The following LRP1B variants were observed in gnomAD, a reference collection of about 807,000 sequenced individuals.
The protein encoded by LRP1B is low-density lipoprotein receptor-related protein 1B.
In LRP1B, 217 loss-of-function variants were observed where a neutral mutation model predicts 556.6. The ratio of observed to expected loss-of-function variants is 0.39; its 90% CI spans 0.35 to 0.44. The LOEUF (loss-of-function observed/expected upper bound fraction) is 0.44, where lower values mean the gene tolerates loss of function less well. LRP1B is among the 20% of genes least tolerant of loss of function. LRP1B has a pLI of 1.00. For missense variants in LRP1B, 5,053 were observed against 5,620.8 expected (o/e 0.90, Z 3.23); for synonymous variants, 2,047 against 1,865.8 (o/e 1.10, Z -2.50).
intron 3 of LRP1B, among the ~76,000 whole-genome samples, chr2:141,429,258 A>G (rs1246993476): frequency 6.6e-6 from 1 of 152,100 alleles, no homozygotes; most frequent in African/African-American, 2.4e-5. Context: ...ATACTTCACT[A>G]TTTTTCACTT....
chr2:141,716,454 CTT>C (rs901146484), intron 2 of LRP1B, among the ~76,000 whole-genome samples: 3 of 151,946 alleles, frequency 2.0e-5, no homozygotes, highest in Non-Finnish European at 4.4e-5. Flanking sequence ...AGGAATGACT[CTT>C]TTTTTAGTGC....
In LRP1B at chr2:141,315,405, G is replaced by T. The variant is rs1367955488; in HGVS notation, c.344-60764C>A. On this transcript the variant is annotated intron_variant, in intron 3 of 90. Coordinates refer to ENST00000389484, the MANE Select transcript of LRP1B (RefSeq NM_018557.3). ...CTCCCAAGTAGCTGGGACTACAAAC[G>T]CCTGCCACCATGCCTGGCTAATTTT... is the stretch of plus-strand genomic sequence containing the variant. Among the ~76,000 whole-genome samples the T allele has an allele frequency of 3.3e-5, 5 of 150,920 alleles. No individual in the cohort carries two copies. The East Asian group carries it at 7.8e-4, about 24-fold the overall frequency.
chr2:140,529,432 A>AG (rs201815905), intron 47 of LRP1B, among the ~76,000 whole-genome samples: 997 of 99,318 alleles, frequency 0.01, 10 homozygotes, highest in South Asian at 0.076. Context: ...GAAGCTGAAA[A>AG]GGGGGGGGGG....
intron 66 of LRP1B, among the ~76,000 whole-genome samples, chr2:140,411,102 AG>A (rs1684952898): frequency 6.6e-6 from 1 of 152,154 alleles, no homozygotes; most frequent in African/African-American, 2.4e-5. Flanking sequence ...ATTCAGCATT[AG>A]GGAGCCAAGT....
At position 141,200,519 on chromosome 2, in the gene LRP1B, GCT is replaced by G. The variant is rs1221054665; in HGVS notation, c.851-11938_851-11937del. On this transcript the variant is annotated intron_variant, in intron 6 of 90. Coordinates refer to ENST00000389484, the MANE Select transcript of LRP1B (RefSeq NM_018557.3). ...AATATCTGATATAGTCATGGCTTAT[GCT>G]CTCTCTTCATTCAAGTATCTGCTCA... Among the ~76,000 whole-genome samples the G allele has an allele frequency of 2.6e-5, 4 of 152,108 alleles. No individual in the cohort carries two copies. In the East Asian group the frequency reaches 7.7e-4, roughly 29 times the overall value.
chr2:141,994,577 A>G (rs963368552), intron 1 of LRP1B, among the ~76,000 whole-genome samples: 1 of 152,122 alleles, frequency 6.6e-6, no homozygotes, highest in African/African-American at 2.4e-5. Context: ...ATCTATCTCT[A>G]TCTCTCTATT....
chr2:141,130,866 C>A (rs1701332097), intron 7 of LRP1B, among the ~76,000 whole-genome samples: 1 of 152,130 alleles, frequency 6.6e-6, no homozygotes. Flanking sequence ...GAGTTCATGT[C>A]TTTTGCAGGG....
chr2:140,901,676 TAAG>T (rs1306620344), intron 23 of LRP1B, among the ~76,000 whole-genome samples: 1 of 152,164 alleles, frequency 6.6e-6, no homozygotes, highest in African/African-American at 2.4e-5. Flanking sequence ...GCAAAAACAA[TAAG>T]AATAAAGTGT....
At chr2:141,421,247 G>A (rs1680127273) in intron 3 of LRP1B, among the ~76,000 whole-genome samples, 1 of 151,934 alleles carries the variant, frequency 6.6e-6, no homozygotes, top group Non-Finnish European at 1.5e-5. Flanking sequence ...TACCTCTTTC[G>A]GCCGGGCGCG....
chr2:141,286,803 C>T, intron 3 of LRP1B: 1 of 389,646 alleles, frequency 2.6e-6, no homozygotes, highest in Non-Finnish European at 5.5e-6. Flanking sequence ...TTGTTTACAA[C>T]ACTCTCCTAT....
rs147701223 is a variant in LRP1B at position 141,029,140 on chromosome 2, G to T, written c.1790-9038C>A. ...TGGGACCATGTCTAGGGTGTTCAGGGGATGAAAAGAGGATATTGGAGAAGA... is the reference window on the plus strand; with the variant it reads ...TGGGACCATGTCTAGGGTGTTCAGGTGATGAAAAGAGGATATTGGAGAAGA... On this transcript the variant is annotated intron_variant, in intron 11 of 90. Transcript: ENST00000389484. 2.0e-3 allele frequency among the ~76,000 whole-genome samples: 298 copies of T among 152,144 alleles called. 2 individuals are homozygous for T. Among genetic ancestry groups the T allele is most frequent in the African/African-American group, 6.9e-3 (287 of 41,516 alleles).
chr2:140,367,085 A>G (rs1176612337), intron 71 of LRP1B, among the ~76,000 whole-genome samples: 3 of 151,718 alleles, frequency 2.0e-5, no homozygotes, highest in Non-Finnish European at 4.4e-5. Flanking sequence ...GAGGACAGCT[A>G]CAGGCAGATT....
At chr2:141,133,903 C>A (rs1039617124) in intron 7 of LRP1B, among the ~76,000 whole-genome samples, 2 of 151,962 alleles carry the variant, frequency 1.3e-5, no homozygotes, top group African/African-American at 4.8e-5. Flanking sequence ...CCCTACTGAT[C>A]AACTCCACCT....
rs11433781 is a variant in LRP1B at position 141,179,892 on chromosome 2, C to CTT, written c.1013+8527_1013+8528dup. Among the ~76,000 whole-genome samples the CTT allele has an allele frequency of 5.8e-3, 725 of 125,972 alleles. 6 individuals are homozygous for CTT. Among genetic ancestry groups the CTT allele is most frequent in the Middle Eastern group, 0.014 (3 of 212 alleles). The allele number at this position is 125,972 out of a possible 152,430, so 82.6% of individuals were successfully genotyped here. A position where few individuals can be genotyped will look rare whatever the true frequency, so the allele number is the denominator to read the frequency against. On this transcript the variant is annotated intron_variant, in intron 7 of 90. Transcript: ENST00000389484. ...CACAAAAGCTGAATGTTGGTTTTTC[C>CTT]TTTTTTTTTTTTTTTTTTGGTTGAA...
At chr2:141,074,561 GTCTC>G (rs1558842324) in intron 7 of LRP1B, among the ~76,000 whole-genome samples, 1 of 67,850 alleles carries the variant, frequency 1.5e-5, no homozygotes, top group Non-Finnish European at 3.3e-5. Flanking sequence ...TTCTCTTTCT[GTCTC>G]TCTGTCTCTC....
intron 84 of LRP1B, among the ~76,000 whole-genome samples, chr2:140,295,847 T>A (rs565625645): frequency 6.6e-6 from 1 of 152,236 alleles, no homozygotes; most frequent in East Asian, 1.9e-4. Flanking sequence ...ACTGACCTTT[T>A]GAGAATAGAT....
intron 2 of LRP1B, among the ~76,000 whole-genome samples, chr2:141,758,778 TC>T (rs1318421114): frequency 6.6e-6 from 1 of 152,184 alleles, no homozygotes; most frequent in Non-Finnish European, 1.5e-5. Context: ...AGTTATACTT[TC>T]CTTTTATTTC....
intron 7 of LRP1B, among the ~76,000 whole-genome samples, chr2:141,141,882 A>G (rs1701661847): frequency 6.6e-6 from 1 of 152,200 alleles, no homozygotes; most frequent in Admixed American, 6.5e-5. Flanking sequence ...ATCTTTCAGT[A>G]ATGCAATAAT....
chr2:141,764,243 C>G (rs887649029), intron 2 of LRP1B, among the ~76,000 whole-genome samples: 1 of 151,902 alleles, frequency 6.6e-6, no homozygotes, highest in Admixed American at 6.6e-5. Context: ...TGCAGTGGGG[C>G]GATCTCGGCT....
Sources: gnomAD v4.1 joint callset for allele counts (sites outside exome capture counted in the v4.1 genomes callset) on GRCh38, gnomAD v4.1.1 for gene constraint, MANE v1.5 for transcripts, NCBI Gene and HGNC (gene_info 2026-07-23, HGNC 2026-07-21) for gene names.